IFT88: variants seen among roughly 807,000 people sequenced by gnomAD.
IFT88 encodes intraflagellar transport 88, also known as intraflagellar transport protein 88 homolog.
Under a neutral mutation model 119.5 loss-of-function variants are expected in IFT88, and 74 were observed. That is an observed-to-expected ratio of 0.62 (90% confidence interval 0.51 to 0.75). The LOEUF is 0.75. Ranked by LOEUF, IFT88 falls within the 30% of genes least tolerant of loss-of-function variation. The pLI is 0.00. For missense variants in IFT88, 961 were observed against 977.7 expected (o/e 0.98, Z 0.23); for synonymous variants, 279 against 316.7 (o/e 0.88, Z 1.26).
chr13:20,581,712 T>C (rs939165492), intron 2 of IFT88, among the ~76,000 whole-genome samples: 2 of 151,742 alleles, frequency 1.3e-5, no homozygotes, highest in African/African-American at 4.8e-5. Flanking sequence ...AATTAGCAGG[T>C]TGTGGTAGTG....
chr13:20,598,862 A>C (rs1350689923), intron 10 of IFT88, 109 bp downstream of exon 10: 6 of 653,080 alleles, frequency 9.2e-6, no homozygotes, highest in Non-Finnish European at 1.6e-5. Context: ...GCTCTAAACA[A>C]ATCAGTATTT....
chr13:20,643,635 GTTTTAGCATT>G (rs747918866), intron 19 of IFT88, 30 bp downstream of exon 19: 1 of 1,503,060 alleles, frequency 6.7e-7, no homozygotes, highest in South Asian at 1.2e-5. Context: ...TTCCTTCTGT[GTTTTAGCATT>G]TTATGAATTG....
chr13:20,591,847 CCTT>C (rs796602431), intron 6 of IFT88, among the ~76,000 whole-genome samples, 166 bp downstream of exon 6: 3 of 152,150 alleles, frequency 2.0e-5, no homozygotes, highest in East Asian at 1.9e-4. Context: ...ATGATGAAAA[CCTT>C]CTACATATCT....
intron 24 of IFT88, among the ~76,000 whole-genome samples, chr13:20,677,591 G>A (rs1277332163): frequency 1.3e-5 from 2 of 152,188 alleles, no homozygotes; most frequent in Non-Finnish European, 2.9e-5. Context: ...GCACCTAGAA[G>A]TAAATTGGTC....
At chr13:20,648,366 A>G (rs961377583) in intron 20 of IFT88, among the ~76,000 whole-genome samples, 1 of 152,244 alleles carries the variant, frequency 6.6e-6, no homozygotes, top group Admixed American at 6.5e-5. Context: ...ACTGCACTCC[A>G]GCCTGGGTGA....
chr13:20,570,003 C>T (rs1345016400), intron 1 of IFT88, among the ~76,000 whole-genome samples: 10 of 151,064 alleles, frequency 6.6e-5, no homozygotes, highest in Admixed American at 6.6e-4. Context: ...CGCGCCACTG[C>T]CCTCTAGCCT....
chr13:20,607,468 C>T (rs754964600), intron 13 of IFT88: 92 of 673,082 alleles, frequency 1.4e-4, no homozygotes, highest in Non-Finnish European at 2.1e-4. Context: ...CCATCATCAG[C>T]GGCGTCCTGA....
intron 24 of IFT88, among the ~76,000 whole-genome samples, chr13:20,673,532 C>T (rs1156412541): frequency 6.6e-6 from 1 of 152,224 alleles, no homozygotes; most frequent in African/African-American, 2.4e-5. Flanking sequence ...ATTGCCCAGC[C>T]TCCCTGGTGA....
chr13:20,689,164 C>T (rs1327605407), intron 24 of IFT88, among the ~76,000 whole-genome samples: 3 of 152,134 alleles, frequency 2.0e-5, no homozygotes, highest in African/African-American at 7.2e-5. Context: ...GAGCTCCTGA[C>T]CTCGTGATCT....
chr13:20,659,749 T>A (rs1319470213), intron 22 of IFT88, among the ~76,000 whole-genome samples: 1 of 152,092 alleles, frequency 6.6e-6, no homozygotes, highest in Non-Finnish European at 1.5e-5. Context: ...GTTCAAGTGA[T>A]TCTCCTGCCT....
chr13:20,607,133 T>C, intron 13 of IFT88: 1 of 402,224 alleles, frequency 2.5e-6, no homozygotes, highest in Non-Finnish European at 5.1e-6. Context: ...GGTGACTGTG[T>C]CCTTGTGCCA....
At position 20,598,820 on chromosome 13, in the gene IFT88, A is replaced by G. The variant is rs112499855; in HGVS notation, c.697+67A>G. The stretch of plus-strand genomic sequence containing the variant: ...TCGTAGTGTTAATTTATGTCTCTTC[A>G]TTTTATGCTTCCTTAAAATGAAATG... On this transcript the variant is annotated intron_variant, in intron 10 of 25. Transcript: ENST00000351808. 2.5e-5 allele frequency: 23 copies of G among 912,256 alleles called. No individual in the cohort carries two copies. The African/African-American group carries it at 2.6e-4, about 10-fold the overall frequency. The allele number at this position is 912,256 out of a possible 1,614,324, so 56.5% of individuals were successfully genotyped here.
intron 13 of IFT88, chr13:20,608,182 C>A: frequency 3.3e-6 from 1 of 303,094 alleles, no homozygotes; most frequent in Non-Finnish European, 6.6e-6. Flanking sequence ...CCAGACTGTT[C>A]TGCGACGGCT....
At chr13:20,615,771 C>T (rs753241788) in intron 13 of IFT88, 22 bp from the exon 14 acceptor site, 10 of 1,431,668 alleles carry the variant, frequency 7.0e-6, no homozygotes, top group Non-Finnish European at 9.7e-6. Flanking sequence ...CTAAATACAA[C>T]TTTTTGGTTT....
chr13:20,591,549 G>A, intron 5 of IFT88, 69 bp from the exon 6 acceptor site: 1 of 1,149,922 alleles, frequency 8.7e-7, no homozygotes, highest in Non-Finnish European at 1.3e-6. Flanking sequence ...TAAGGTGTGT[G>A]TAATGTGCAG....
At chr13:20,669,797 G>A (rs2055478291) in intron 23 of IFT88, among the ~76,000 whole-genome samples, 1 of 152,124 alleles carries the variant, frequency 6.6e-6, no homozygotes, top group Admixed American at 6.5e-5. Context: ...ATCAAGTTTT[G>A]AAATAAAGTC....
intron 13 of IFT88, among the ~76,000 whole-genome samples, chr13:20,610,703 A>G (rs536540620): frequency 9.2e-5 from 14 of 152,290 alleles, no homozygotes; most frequent in Admixed American, 1.3e-4. Context: ...AGAAAACTAC[A>G]GATTAATATC....
intron 21 of IFT88, among the ~76,000 whole-genome samples, chr13:20,655,170 A>C (rs1029807165): frequency 4.6e-5 from 7 of 152,206 alleles, no homozygotes; most frequent in African/African-American, 1.7e-4. Context: ...ACAGTGGCTC[A>C]CGCCTGTAAT....
intron 2 of IFT88, among the ~76,000 whole-genome samples, chr13:20,582,588 GGA>G (rs139984609): frequency 6.6e-6 from 1 of 151,930 alleles, no homozygotes; most frequent in Non-Finnish European, 1.5e-5. Flanking sequence ...GGGATGGTGG[GGA>G]GAGAGAGAGA....
Sources: gnomAD v4.1 joint callset for allele counts (sites outside exome capture counted in the v4.1 genomes callset) on GRCh38, gnomAD v4.1.1 for gene constraint, MANE v1.5 for transcripts, NCBI Gene and HGNC (gene_info 2026-07-23, HGNC 2026-07-21) for gene names.